The following IKZF4 variants were observed in gnomAD, a reference collection of about 807,000 sequenced individuals.
IKZF4 encodes IKAROS family zinc finger 4.
A neutral mutation model predicts 47.7 loss-of-function variants in IKZF4; 11 were observed. That is an observed-to-expected ratio of 0.23 (90% confidence interval 0.15 to 0.38). The LOEUF (loss-of-function observed/expected upper bound fraction) is 0.38. Among genes scored for constraint, IKZF4 ranks in the 10% least tolerant of loss-of-function variants. The pLI is 1.00. For synonymous variants in IKZF4, 298 were observed against 299.4 expected (o/e 1.00, Z 0.05); for missense variants, 557 against 784.9 (o/e 0.71, Z 3.47).
Position 56,035,250 on chromosome 12 carries a change from G to A in IKZF4, c.1677G>A (p.Glu559=). ...MGCHGFRDPF[E]CNICGYHSQD... is the part of the protein sequence containing the mutation. ...GCCATGGCTTCAGAGACCCTTTTGA[G>A]TGCAACATCTGTGGTTATCACAGCC... The change falls in exon 8 of 8, where the codon GAG becomes GAA. Residue 559 remains glutamate (E), a synonymous_variant. Transcript: ENST00000547167. This position sits in a 1 kb window ranked among gnomAD's most constrained non-coding sequence, Gnocchi z 6.1. 1.2e-6 allele frequency: 2 copies of A among 1,614,132 alleles called. No individual in the cohort carries two copies. Among genetic ancestry groups the A allele is most frequent in the Admixed American group, 1.7e-5 (1 of 60,016 alleles).
At chr12:56,031,812 TAAAC>T (rs1019694492) in intron 5 of IKZF4, among the ~76,000 whole-genome samples, 24 of 152,340 alleles carry the variant, frequency 1.6e-4, no homozygotes, top group African/African-American at 5.0e-4. Flanking sequence ...TACAAGCACA[TAAAC>T]AAACAAACCC....
intron 5 of IKZF4, among the ~76,000 whole-genome samples, chr12:56,030,793 A>T (rs1894806938): frequency 6.6e-6 from 1 of 151,544 alleles, no homozygotes; most frequent in South Asian, 2.1e-4. Context: ...AAGGGTTGGG[A>T]GTAGGTGGAT....
chr12:56,019,577 G>A (rs941711602), upstream of IKZF4, among the ~76,000 whole-genome samples: 2 of 152,254 alleles, frequency 1.3e-5, no homozygotes, highest in African/African-American at 4.8e-5. Flanking sequence ...GCCTTGTGAG[G>A]AGCGAGCCAG....
intron 7 of IKZF4, among the ~76,000 whole-genome samples, chr12:56,034,369 AT>A (rs1486237016): frequency 1.3e-5 from 2 of 152,200 alleles, no homozygotes; most frequent in Non-Finnish European, 2.9e-5. Context: ...TTAAAAATCA[AT>A]GGGCTGGGAT....
chr12:56,017,234 C>A (rs12814324), upstream of IKZF4, among the ~76,000 whole-genome samples: 9 of 134,770 alleles, frequency 6.7e-5, no homozygotes, highest in East Asian at 2.6e-4. Flanking sequence ...CCCCCCCCGC[C>A]CCCCCCGTCC....
At chr12:56,025,657 C>A (rs1893845767) in intron 3 of IKZF4, among the ~76,000 whole-genome samples, 1 of 152,108 alleles carries the variant, frequency 6.6e-6, no homozygotes, top group Non-Finnish European at 1.5e-5. Context: ...CTTCCTTTAC[C>A]CCTCCTGCCC....
At chr12:56,008,957 A>G (rs1592846123) in intron 1 of IKZF4, among the ~76,000 whole-genome samples, 1 of 152,128 alleles carries the variant, frequency 6.6e-6, no homozygotes, top group Non-Finnish European at 1.5e-5. Context: ...GATTACAGGC[A>G]TGAGCCACCG....
In IKZF4 at chr12:56,015,237, C is replaced by T. The variant is rs574312979; in HGVS notation, c.-213-2889C>T. Among the ~76,000 whole-genome samples the T allele has an allele frequency of 1.1e-4, 16 of 152,140 alleles. No homozygotes were observed. The South Asian group carries it at 1.5e-3, about 14-fold the overall frequency. ...GATTACGGGCGCACCCCACCACGCC[C>T]GGCTAATTTTTGTATTTTTAGTAGA... is the stretch of plus-strand genomic sequence containing the variant. On this transcript the variant is annotated intron_variant, in intron 2 of 11. Transcript: ENST00000262032.
intron 5 of IKZF4, chr12:56,032,286 C>A (rs545112919): frequency 5.2e-6 from 2 of 383,246 alleles, no homozygotes; most frequent in South Asian, 5.7e-5. Context: ...CTTTAAGCAA[C>A]AATTTGGCCA....
upstream of IKZF4, among the ~76,000 whole-genome samples, chr12:56,016,812 C>T (rs1044511451): frequency 2.6e-5 from 4 of 151,966 alleles, no homozygotes; most frequent in African/African-American, 9.7e-5. Flanking sequence ...GTTGGTCAGG[C>T]TGAACTCCTG....
Position 56,021,564 on chromosome 12 carries a change from G to A in IKZF4, c.71G>A (p.Arg24Gln), listed in dbSNP as rs75600413. 8,257 of 1,606,006 alleles carry A rather than the reference G, an allele frequency of 5.1e-3. 33 individuals are homozygous for A. Among genetic ancestry groups the A allele is most frequent in the Admixed American group, 8.2e-3 (484 of 58,778 alleles). ...GGRVRTPGSH[R>Q]QGKDNLERDP... ...CGCGTTCGCACCCCAGGGTCTCACCGGCAAGGGAAGGATAATGTAAGTTCA... is the reference window on the plus strand; with the variant it reads ...CGCGTTCGCACCCCAGGGTCTCACCAGCAAGGGAAGGATAATGTAAGTTCA... Residue 24 changes from arginine (R) to glutamine (Q), a missense_variant, in exon 1 of 8, where the codon CGG (arginine) becomes CAG (glutamine). By Grantham distance (43) the Arg-to-Gln change is conservative. Around this residue, in one of 6 missense-constraint regions of IKZF4, gnomAD observed 112 missense variants for 168.2 expected, o/e 0.67. Coordinates refer to ENST00000547167, the MANE Select transcript of IKZF4 (RefSeq NM_022465.4).
chr12:56,036,896 T>C lies in IKZF4; in HGVS notation c.*1565T>C, dbSNP rs1408584735. On this transcript the variant is annotated 3_prime_UTR_variant, in exon 8 of 8. Coordinates refer to ENST00000547167, the MANE Select transcript of IKZF4 (RefSeq NM_022465.4). Reference sequence around the variant, plus strand: ...TGAGATTCAAACCAAAGGCTGTTTTTCTATGTTTAAAGAAAAAAAAAAGTA... The same window carrying C: ...TGAGATTCAAACCAAAGGCTGTTTTCCTATGTTTAAAGAAAAAAAAAAGTA... 2.0e-5 allele frequency: 3 copies of C among 152,254 alleles called. No homozygotes were observed. Among genetic ancestry groups the C allele is most frequent in the Non-Finnish European group, 4.4e-5 (3 of 67,988 alleles). The allele number at this position is 152,254 out of a possible 1,614,324, so 9.4% of individuals were successfully genotyped here.
chr12:56,013,771 T>C (rs1331362446), intron 2 of IKZF4, among the ~76,000 whole-genome samples: 2 of 152,164 alleles, frequency 1.3e-5, no homozygotes, highest in African/African-American at 4.8e-5. Context: ...GCTGATTTGC[T>C]CCTGGTTTGC....
upstream of IKZF4, among the ~76,000 whole-genome samples, chr12:56,020,109 A>T (rs1454781969): frequency 2.0e-5 from 3 of 152,266 alleles, no homozygotes; most frequent in Non-Finnish European, 4.4e-5. Flanking sequence ...CTCCCGAAGC[A>T]CACTGCGGGC....
chr12:56,038,378 A>G lies in IKZF4; in HGVS notation c.*3047A>G, dbSNP rs1895796421. The G allele has an allele frequency of 6.6e-6, 1 of 152,638 alleles. No individual in the cohort carries two copies. The highest frequency in any genetic ancestry group is 6.5e-5 in the Admixed American group (1 of 15,276). The allele number at this position is 152,638 out of a possible 1,614,324, so 9.5% of individuals were successfully genotyped here. On this transcript the variant is annotated 3_prime_UTR_variant, in exon 8 of 8. Transcript: ENST00000547167. Reference sequence around the variant, plus strand: ...TGTGTAACGGAGATATACTACTGTAAGTTTTGTACTGTACTGGCTGAAAGT... The same window carrying G: ...TGTGTAACGGAGATATACTACTGTAGGTTTTGTACTGTACTGGCTGAAAGT...
rs1307615418 is a variant in IKZF4 at position 56,026,947 on chromosome 12, C to T, written c.453C>T (p.Gly151=). ...GSGPEPHSPG[G]IRLPNGKLKC... ...GGCCAGAGCCTCACTCCCCTGGGGG[C>T]ATCCGGCTGCCCAATGGCAAGCTCA... Residue 151 remains glycine, a synonymous_variant, in exon 4 of 8, where the codon GGC becomes GGT. Transcript: ENST00000547167. 1.1e-5 allele frequency: 17 copies of T among 1,611,724 alleles called. No individual in the cohort carries two copies. The highest frequency in any genetic ancestry group is 1.4e-5 in the Non-Finnish European group (16 of 1,178,830).
At chr12:56,010,057 CCACA>C (rs376103105) in intron 1 of IKZF4, 226 of 151,060 alleles carry the variant, frequency 1.5e-3, no homozygotes, top group African/African-American at 5.2e-3. Context: ...CTCTCTCTCG[CCACA>C]CACACACACA....
At chr12:56,020,035 T>C (rs1892639321), upstream of IKZF4, among the ~76,000 whole-genome samples, 5 of 152,246 alleles carry the variant, frequency 3.3e-5, no homozygotes, top group South Asian at 8.3e-4. Context: ...GCTGCGCTCA[T>C]CACTGACCCA....
upstream of IKZF4, chr12:56,018,170 T>C: frequency 1.6e-6 from 2 of 1,289,382 alleles, no homozygotes; most frequent in South Asian, 1.2e-5. Context: ...GCCGCTCCTA[T>C]GTGTCTGGTA....
Sources: allele counts gnomAD v4.1 joint callset (sites outside exome capture counted in the v4.1 genomes callset), GRCh38; gene constraint gnomAD v4.1.1; regional missense constraint gnomAD v4.1.1; non-coding constraint Gnocchi (gnomAD v3.1); transcripts MANE v1.5; gene names NCBI Gene and HGNC (gene_info 2026-07-23, HGNC 2026-07-21).